HDAC9: variants seen among roughly 807,000 people sequenced by gnomAD.
The protein encoded by HDAC9 is MEF-2 interacting transcription repressor (MITR) protein.
A neutral mutation model predicts 139.4 loss-of-function variants in HDAC9; 41 were observed. The ratio of observed to expected loss-of-function variants is 0.29; its 90% CI spans 0.23 to 0.38. The LOEUF is 0.38. HDAC9 is among the 10% of genes least tolerant of loss of function. HDAC9 has a pLI of 1.00. For synonymous variants in HDAC9, 517 were observed against 476.2 expected, an observed-to-expected ratio of 1.09 and a Z score of -1.12; for missense variants, 1,147 against 1,297.0, an observed-to-expected ratio of 0.88 and a Z score of 1.78.
At chr7:18,211,281 A>T (rs1284705805) in intron 2 of HDAC9, among the ~76,000 whole-genome samples, 1 of 152,204 alleles carries the variant, frequency 6.6e-6, no homozygotes, top group African/African-American at 2.4e-5. Flanking sequence ...TAGTTTCAAC[A>T]TGACAAATCT....
chr7:18,901,364 C>G (rs1272778936), intron 22 of HDAC9, among the ~76,000 whole-genome samples: 3 of 151,722 alleles, frequency 2.0e-5, no homozygotes, highest in Non-Finnish European at 4.4e-5. Context: ...AAAAAAAATC[C>G]TCTTTTTTCC....
intron 6 of HDAC9, among the ~76,000 whole-genome samples, chr7:18,595,541 A>T (rs140205950): frequency 1.2e-4 from 18 of 152,190 alleles, no homozygotes; most frequent in African/African-American, 4.1e-4. Context: ...GAGATTATGC[A>T]GATACTACCC....
intron 12 of HDAC9, among the ~76,000 whole-genome samples, chr7:18,696,169 T>C (rs1783029108): frequency 6.6e-6 from 1 of 151,962 alleles, no homozygotes; most frequent in Non-Finnish European, 1.5e-5. Context: ...TACATTTATA[T>C]AGTATTCCAA....
At chr7:18,415,881 T>G (rs1411709202) in intron 1 of HDAC9, among the ~76,000 whole-genome samples, 3 of 152,238 alleles carry the variant, frequency 2.0e-5, no homozygotes, top group Non-Finnish European at 4.4e-5. Context: ...TATAGGGAAT[T>G]GCACTGACTG....
intron 13 of HDAC9, among the ~76,000 whole-genome samples, chr7:18,744,100 C>T (rs1054805759): frequency 6.8e-6 from 1 of 148,036 alleles, no homozygotes; most frequent in Non-Finnish European, 1.5e-5. Context: ...AAGCGATCCT[C>T]CTGCCTCAGC....
In HDAC9 at chr7:18,794,975, C is replaced by T. The variant is rs573280879; in HGVS notation, c.2322+1523C>T. On this transcript the variant is annotated intron_variant, in intron 17 of 25. Transcript: ENST00000686413. ...GAAACCTTCTCAAGTAGAATGCCCA[C>T]GTGTTTCAGTCATCAGAAGCATCAT... 8.5e-5 allele frequency among the ~76,000 whole-genome samples: 13 copies of T among 152,180 alleles called. No homozygotes were observed. The South Asian group carries it at 1.9e-3, about 22-fold the overall frequency.
At chr7:18,633,825 T>C (rs1056454027) in intron 7 of HDAC9, among the ~76,000 whole-genome samples, 8 of 152,122 alleles carry the variant, frequency 5.3e-5, no homozygotes, top group African/African-American at 1.9e-4. Flanking sequence ...ATTTATATTT[T>C]TGATTAAATG....
At chr7:18,962,295 G>A (rs1783577109) in intron 24 of HDAC9, among the ~76,000 whole-genome samples, 1 of 152,104 alleles carries the variant, frequency 6.6e-6, no homozygotes, top group Admixed American at 6.6e-5. Context: ...AGCAGCGTTA[G>A]GCATTTTCCC....
At chr7:18,431,920 A>C (rs569629499) in intron 1 of HDAC9, among the ~76,000 whole-genome samples, 2 of 152,184 alleles carry the variant, frequency 1.3e-5, no homozygotes, top group African/African-American at 4.8e-5. Context: ...CATTGCCTAC[A>C]TGAGAAAGTC....
intron 22 of HDAC9, among the ~76,000 whole-genome samples, chr7:18,932,565 T>C (rs1170771683): frequency 1.3e-5 from 2 of 152,036 alleles, no homozygotes; most frequent in African/African-American, 4.8e-5. Context: ...ATCTACTGCA[T>C]ATTGCAAAAG....
chr7:18,535,794 T>C (rs1363046541), intron 2 of HDAC9, among the ~76,000 whole-genome samples: 1 of 148,198 alleles, frequency 6.7e-6, no homozygotes, highest in Non-Finnish European at 1.5e-5. Context: ...TTTTGAAATT[T>C]ACATTTCAAA....
intron 1 of HDAC9, among the ~76,000 whole-genome samples, chr7:18,358,886 A>C (rs1470581615): frequency 6.6e-6 from 1 of 152,236 alleles, no homozygotes; most frequent in Non-Finnish European, 1.5e-5. Context: ...ATGTGAAAAA[A>C]TTTATGCAAA....
In HDAC9 at chr7:18,623,257, C is replaced by A. The variant is rs561998068; in HGVS notation, c.665-6093C>A. 7.9e-5 allele frequency among the ~76,000 whole-genome samples: 12 copies of A among 151,746 alleles called. No homozygotes were observed. In the South Asian group the frequency reaches 2.5e-3, roughly 32 times the overall value. The stretch of plus-strand genomic sequence containing the variant: ...AACTAAACAGAATACAATTTATAAG[C>A]AGGCAAATTAGAAAGTGAGAAAAAT... On this transcript the variant is annotated intron_variant, in intron 6 of 25. Coordinates refer to ENST00000686413, the MANE Select transcript of HDAC9 (RefSeq NM_178425.4).
At chr7:18,898,689 G>A (rs1202889701) in intron 22 of HDAC9, among the ~76,000 whole-genome samples, 2 of 151,640 alleles carry the variant, frequency 1.3e-5, no homozygotes, top group Non-Finnish European at 3.0e-5. Flanking sequence ...TGCTTATGTT[G>A]GAATTCACAT....
At chr7:18,967,452 C>T (rs1189424601) in intron 24 of HDAC9, among the ~76,000 whole-genome samples, 1 of 146,948 alleles carries the variant, frequency 6.8e-6, no homozygotes, top group African/African-American at 2.5e-5. Context: ...CTATATTTTT[C>T]ATTCAATTTA....
intron 1 of HDAC9, among the ~76,000 whole-genome samples, chr7:18,301,624 A>G (rs867249505): frequency 6.6e-6 from 1 of 152,204 alleles, no homozygotes; most frequent in Non-Finnish European, 1.5e-5. Context: ...ATGAATTTAC[A>G]TATATAAAAA....
intron 6 of HDAC9, among the ~76,000 whole-genome samples, chr7:18,600,048 C>A (rs1390271361): frequency 6.6e-6 from 1 of 151,926 alleles, no homozygotes; most frequent in African/African-American, 2.4e-5. Context: ...TTGTAATTCC[C>A]TAATGACAAG....
chr7:18,544,165 T>C (rs945401333), intron 2 of HDAC9, among the ~76,000 whole-genome samples: 6 of 152,226 alleles, frequency 3.9e-5, no homozygotes, highest in African/African-American at 1.4e-4. Flanking sequence ...AGCTAATTGA[T>C]GTTGCTGGCT....
Position 19,000,552 on chromosome 7 carries a change from G to C in HDAC9, c.*4490G>C, listed in dbSNP as rs1057354373. 5.9e-5 allele frequency: 9 copies of C among 152,074 alleles called. No individual in the cohort carries two copies. The highest frequency in any genetic ancestry group is 2.2e-4 in the African/African-American group (9 of 41,400). The allele number at this position is 152,074 out of a possible 1,614,324, so 9.4% of individuals were successfully genotyped here. On this transcript the variant is annotated 3_prime_UTR_variant, in exon 26 of 26. Coordinates refer to ENST00000686413, the MANE Select transcript of HDAC9 (RefSeq NM_178425.4). ...TATGATATTCCTGGCTTCGTATAAT[G>C]GTTTTGTAAAATACATTAAATACAA...
Sources: gnomAD v4.1 joint callset for allele counts (sites outside exome capture counted in the v4.1 genomes callset) on GRCh38, gnomAD v4.1.1 for gene constraint, MANE v1.5 for transcripts, NCBI Gene and HGNC (gene_info 2026-07-23, HGNC 2026-07-21) for gene names.